Variants in TRIM66 observed in about 807,000 individuals in gnomAD.
TRIM66 encodes tripartite motif containing 66.
TRIM66 carries 99 observed loss-of-function variants against 148.2 expected under a neutral mutation model. The observed-to-expected ratio is 0.67, with a 90% CI of 0.57 to 0.79. The LOEUF (loss-of-function observed/expected upper bound fraction) is 0.79. Among genes scored for constraint, TRIM66 ranks in the 30% least tolerant of loss-of-function variants. TRIM66 has a pLI of 0.00. For synonymous variants in TRIM66, 616 were observed against 635.9 expected (o/e 0.97, Z 0.47); for missense variants, 1,666 against 1,697.9 (o/e 0.98, Z 0.33).
intron 6 of TRIM66, among the ~76,000 whole-genome samples, chr11:8,664,635 TGAA>T (rs1283095943): frequency 6.6e-6 from 1 of 152,186 alleles, no homozygotes; most frequent in Non-Finnish European, 1.5e-5. Context: ...AACTCCCACT[TGAA>T]GAACAAAAAG....
At chr11:8,673,142 G>A (rs1244518683) in intron 4 of TRIM66, among the ~76,000 whole-genome samples, 4 of 150,324 alleles carry the variant, frequency 2.7e-5, no homozygotes, top group East Asian at 2.0e-4. Flanking sequence ...GGGTTTCACC[G>A]TGGTCTCGAT....
chr11:8,619,105 G>C (rs1413166342), intron 23 of TRIM66, 137 bp from the exon 24 acceptor site: 4 of 857,216 alleles, frequency 4.7e-6, no homozygotes, highest in Non-Finnish European at 7.1e-6. Flanking sequence ...TTTCTCCTAG[G>C]ACTCAGGAAA....
intron 6 of TRIM66, among the ~76,000 whole-genome samples, chr11:8,654,059 A>G (rs2037600095): frequency 6.6e-6 from 1 of 152,168 alleles, no homozygotes; most frequent in Non-Finnish European, 1.5e-5. Context: ...GACTTCCACA[A>G]GACATCCCGG....
At chr11:8,654,249 A>T (rs2037620177) in intron 6 of TRIM66, among the ~76,000 whole-genome samples, 1 of 152,196 alleles carries the variant, frequency 6.6e-6, no homozygotes, top group African/African-American at 2.4e-5. Context: ...TCTCTCTCTA[A>T]TCTCATCTTT....
intron 6 of TRIM66, among the ~76,000 whole-genome samples, chr11:8,653,015 A>G (rs1259322567): frequency 6.6e-6 from 1 of 152,236 alleles, no homozygotes; most frequent in Non-Finnish European, 1.5e-5. Flanking sequence ...ATTAAATTAG[A>G]TAAGACTTCA....
At chr11:8,646,172 T>C (rs916553331) in intron 11 of TRIM66, among the ~76,000 whole-genome samples, 10 of 152,204 alleles carry the variant, frequency 6.6e-5, no homozygotes, top group Non-Finnish European at 1.2e-4. Flanking sequence ...AGGTGGTTTG[T>C]TTCATGACTT....
chr11:8,638,456 C>T (rs552746242), intron 15 of TRIM66, among the ~76,000 whole-genome samples, 198 bp downstream of exon 15: 2 of 152,048 alleles, frequency 1.3e-5, no homozygotes, highest in East Asian at 1.9e-4. Context: ...TTTAAGTGTG[C>T]GTGGGGGAGT....
intron 6 of TRIM66, among the ~76,000 whole-genome samples, chr11:8,656,682 C>T (rs1444871473): frequency 6.6e-6 from 1 of 152,216 alleles, no homozygotes; most frequent in Non-Finnish European, 1.5e-5. Flanking sequence ...CAGGCGAATA[C>T]AATGTACAAC....
chr11:8,681,746 A>G (rs2039439202), intron 1 of TRIM66, among the ~76,000 whole-genome samples: 1 of 152,096 alleles, frequency 6.6e-6, no homozygotes, highest in African/African-American at 2.4e-5. Flanking sequence ...CCTTGACCAC[A>G]TAAGGAATTA....
chr11:8,616,827 A>G lies in TRIM66; in HGVS notation c.*1117T>C, dbSNP rs2033750986. On this transcript the variant is annotated 3_prime_UTR_variant, in exon 25 of 25. Coordinates refer to ENST00000646038, the MANE Select transcript of TRIM66 (RefSeq NM_001388022.1). ...ACCTCCAACAAAAAGGGCTGCCAGA[A>G]AAGTGTTGGCTTTTTTGGGGCTGTA... The G allele has an allele frequency of 6.6e-6, 1 of 152,230 alleles. No individual in the cohort carries two copies. The allele number at this position is 152,230 out of a possible 1,614,324, so 9.4% of individuals were successfully genotyped here. A position where few individuals can be genotyped will look rare whatever the true frequency, so the allele number is the denominator to read the frequency against.
chr11:8,679,784 TA>T lies in TRIM66; in HGVS notation c.-355del. On this transcript the variant is annotated 5_prime_UTR_variant, in exon 3 of 25. The change creates a premature stop within an existing upstream ORF in the 5' untranslated region. Coordinates refer to ENST00000646038, the MANE Select transcript of TRIM66 (RefSeq NM_001388022.1). ...CTGCTGGTCACATGCAGTATGTGATTAAGGTTGATGGAGGGATGAAGACCAT... is the reference window on the plus strand; with the variant it reads ...CTGCTGGTCACATGCAGTATGTGATTAGGTTGATGGAGGGATGAAGACCAT... 1 of 152,694 alleles carries T rather than the reference TA, an allele frequency of 6.5e-6. No homozygotes were observed. The highest frequency in any genetic ancestry group is 1.5e-5 in the Non-Finnish European group (1 of 68,062). 9.5% of individuals were successfully genotyped at this position (152,694 alleles called of 1,614,324 possible). A position where few individuals can be genotyped will look rare whatever the true frequency, so the allele number is the denominator to read the frequency against.
rs775787502 is a variant in TRIM66, at chr11:8,616,305, A to T, written c.*1639T>A. 2.0e-5 allele frequency: 3 copies of T among 152,222 alleles called. No individual in the cohort carries two copies. Among genetic ancestry groups the T allele is most frequent in the Non-Finnish European group, 4.4e-5 (3 of 68,042 alleles). 9.4% of individuals were successfully genotyped at this position (152,222 alleles called of 1,614,324 possible). On this transcript the variant is annotated 3_prime_UTR_variant, in exon 25 of 25. Coordinates refer to ENST00000646038, the MANE Select transcript of TRIM66 (RefSeq NM_001388022.1). ...CAATACCATCAACTCACAAAGAGAGAAGAAATGTTTTCTAATTAAAAAACT... is the reference window on the plus strand; with the variant it reads ...CAATACCATCAACTCACAAAGAGAGTAGAAATGTTTTCTAATTAAAAAACT...
chr11:8,658,726 C>T (rs1208196924), intron 6 of TRIM66: 2 of 978,774 alleles, frequency 2.0e-6, no homozygotes, highest in African/African-American at 1.8e-5. Flanking sequence ...ATGCCAGGCA[C>T]ACACTCTCAC....
intron 13 of TRIM66, among the ~76,000 whole-genome samples, chr11:8,642,689 G>A (rs1177245373): frequency 4.0e-5 from 6 of 150,924 alleles, no homozygotes; most frequent in South Asian, 2.1e-4. Flanking sequence ...ACAGCATTCC[G>A]GAGAGCAGGG....
intron 6 of TRIM66, among the ~76,000 whole-genome samples, chr11:8,670,007 G>GTTTTTTTTTTTTTTTTTTTTTTTT (rs752586311): frequency 7.2e-6 from 1 of 138,472 alleles, no homozygotes; most frequent in Non-Finnish European, 1.6e-5. Context: ...GTCTTGTTTT[G>GTTTTTTTTTTTTTTTTTTTTTTTT]TTTTTATTTA....
chr11:8,655,076 T>G (rs936847602), intron 6 of TRIM66, among the ~76,000 whole-genome samples: 4 of 152,118 alleles, frequency 2.6e-5, no homozygotes, highest in Non-Finnish European at 5.9e-5. Context: ...GCCAGGCTGA[T>G]CTCGAACTCC....
chr11:8,653,787 C>CA lies in TRIM66; in HGVS notation c.341-1885dup, dbSNP rs529555102. 3.5e-3 allele frequency among the ~76,000 whole-genome samples: 499 copies of CA among 142,106 alleles called. 1 individual carries two copies. The highest frequency in any genetic ancestry group is 5.6e-3 in the African/African-American group (215 of 38,656). 93.2% of individuals were successfully genotyped at this position (142,106 alleles called of 152,430 possible). A position where few individuals can be genotyped will look rare whatever the true frequency, so the allele number is the denominator to read the frequency against. ...ATAGTTTAATACTCCCTCACCCCAC[C>CA]AAAAAAAAAAAGAAAAGAAAAGAAA... On this transcript the variant is annotated intron_variant, in intron 6 of 24. Coordinates refer to ENST00000646038, the MANE Select transcript of TRIM66 (RefSeq NM_001388022.1).
At chr11:8,622,353 C>CATATATATAT (rs1181138142) in intron 18 of TRIM66, among the ~76,000 whole-genome samples, 2 of 54,242 alleles carry the variant, frequency 3.7e-5, no homozygotes, top group Non-Finnish European at 1.0e-4. Flanking sequence ...CACACACACA[C>CATATATATAT]ACACACACAC....
intron 15 of TRIM66, among the ~76,000 whole-genome samples, chr11:8,634,660 C>G (rs2035720194): frequency 6.6e-6 from 1 of 152,186 alleles, no homozygotes. Flanking sequence ...TGGTGCCAGG[C>G]AAATACCAAA....
Sources: allele counts gnomAD v4.1 joint callset (sites outside exome capture counted in the v4.1 genomes callset), GRCh38; gene constraint gnomAD v4.1.1; transcripts MANE v1.5; gene names NCBI Gene and HGNC (gene_info 2026-07-23, HGNC 2026-07-21).